ARHGAP6: variants seen among roughly 807,000 people sequenced by gnomAD.
ARHGAP6 encodes Rho GTPase activating protein 6, also known as rho GTPase-activating protein 6.
Under a neutral mutation model 55.7 loss-of-function variants are expected in ARHGAP6, and 16 were observed. That is an observed-to-expected ratio of 0.29 (90% confidence interval 0.19 to 0.44). The LOEUF is 0.44. Among genes scored for constraint, ARHGAP6 ranks in the 20% least tolerant of loss-of-function variants. ARHGAP6 has a pLI of 1.00. For missense variants in ARHGAP6, 698 were observed against 808.9 expected (o/e 0.86, Z 1.66); for synonymous variants, 382 against 360.9 (o/e 1.06, Z -0.66).
intron 1 of ARHGAP6, among the ~76,000 whole-genome samples, chrX:11,424,967 A>T (rs1423396731): frequency 2.7e-5 from 3 of 112,379 alleles, no homozygotes; most frequent in Non-Finnish European, 5.6e-5. Context: ...AAGATGAGTG[A>T]GATGTCCATA....
intron 12 of ARHGAP6, among the ~76,000 whole-genome samples, chrX:11,141,180 C>A (rs755519373): frequency 3.6e-5 from 4 of 110,553 alleles, no homozygotes; most frequent in Non-Finnish European, 3.8e-5. Flanking sequence ...AACAACCAAA[C>A]AAATAATTTA....
At chrX:11,219,454 A>C (rs1331530128) in intron 2 of ARHGAP6, among the ~76,000 whole-genome samples, 1 of 99,187 alleles carries the variant, frequency 1.0e-5, no homozygotes, top group Non-Finnish European at 2.1e-5. Context: ...ATCCCTGAGG[A>C]ATCGCCACAC....
chrX:11,514,581 A>C (rs1453446231), intron 1 of ARHGAP6, among the ~76,000 whole-genome samples: 1 of 110,151 alleles, frequency 9.1e-6, no homozygotes, highest in African/African-American at 3.3e-5. Context: ...GAGAAGACAA[A>C]TTGCCTCCAT....
chrX:11,393,091 T>C (rs1297773984), intron 1 of ARHGAP6, among the ~76,000 whole-genome samples: 1 of 111,842 alleles, frequency 8.9e-6, no homozygotes, highest in Non-Finnish European at 1.9e-5. Flanking sequence ...TATTTTCTTA[T>C]TTAAAGAAAA....
At chrX:11,295,025 C>T in intron 1 of ARHGAP6, among the ~76,000 whole-genome samples, 1 of 111,926 alleles carries the variant, frequency 8.9e-6, no homozygotes, top group Non-Finnish European at 1.9e-5. Flanking sequence ...AATGCCGCTA[C>T]CAAAAATTCT....
chrX:11,192,818 G>A (rs2046477993), intron 3 of ARHGAP6, among the ~76,000 whole-genome samples: 1 of 111,811 alleles, frequency 8.9e-6, no homozygotes, highest in Non-Finnish European at 1.9e-5. Context: ...TTACATCATA[G>A]TAAAACCTAT....
At chrX:11,211,212 G>A (rs1310285701) in intron 2 of ARHGAP6, among the ~76,000 whole-genome samples, 2 of 108,293 alleles carry the variant, frequency 1.8e-5, no homozygotes, top group African/African-American at 6.7e-5. Context: ...GATAAATTAC[G>A]AGAACTGCTG....
intron 2 of ARHGAP6, among the ~76,000 whole-genome samples, chrX:11,230,597 A>T (rs2047114602): frequency 9.4e-6 from 1 of 106,587 alleles, no homozygotes; most frequent in Non-Finnish European, 1.9e-5. Context: ...TTTTGACCTT[A>T]AAAGTTATTA....
intron 1 of ARHGAP6, among the ~76,000 whole-genome samples, chrX:11,415,546 A>C (rs2147770582): frequency 8.9e-6 from 1 of 112,180 alleles, no homozygotes; most frequent in East Asian, 2.8e-4. Flanking sequence ...AAAGTGAATC[A>C]ATTCCCCCAT....
chrX:11,383,851 A>G (rs1603157457), intron 1 of ARHGAP6, among the ~76,000 whole-genome samples: 1 of 111,641 alleles, frequency 9.0e-6, no homozygotes, highest in African/African-American at 3.3e-5. Flanking sequence ...ATAAAAGGAA[A>G]TAGAGTTTGT....
At chrX:11,209,199 C>T (rs1451884300) in intron 2 of ARHGAP6, among the ~76,000 whole-genome samples, 45 of 112,300 alleles carry the variant, frequency 4.0e-4, no homozygotes, top group African/African-American at 1.2e-3. Context: ...TGGAGTGCAG[C>T]GGCGTAATCG....
intron 1 of ARHGAP6, among the ~76,000 whole-genome samples, chrX:11,485,681 T>C (rs5935077): frequency 0.11 from 12,135 of 111,963 alleles, 622 homozygotes; most frequent in East Asian, 0.18. Flanking sequence ...CATTCACACA[T>C]GCACTGCTCA....
chrX:11,218,969 G>A (rs2046921788), intron 2 of ARHGAP6, among the ~76,000 whole-genome samples: 1 of 106,503 alleles, frequency 9.4e-6, no homozygotes, highest in South Asian at 4.4e-4. Flanking sequence ...CATGTGCCAT[G>A]CTGGTGCGCT....
intron 1 of ARHGAP6, among the ~76,000 whole-genome samples, chrX:11,378,502 G>C (rs5935046): frequency 0.063 from 6,992 of 111,518 alleles, 237 homozygotes; most frequent in African/African-American, 0.13. Flanking sequence ...TTCCATTCCC[G>C]AAGACCATCC....
intron 1 of ARHGAP6, among the ~76,000 whole-genome samples, chrX:11,399,354 C>CAA (rs56197001): frequency 0.033 from 1,176 of 35,193 alleles, 28 homozygotes; most frequent in Middle Eastern, 0.065. Flanking sequence ...AATAAGCAAT[C>CAA]AAAAAAAAAA....
intron 1 of ARHGAP6, among the ~76,000 whole-genome samples, chrX:11,508,674 C>T (rs1040008831): frequency 2.7e-5 from 3 of 109,784 alleles, no homozygotes; most frequent in African/African-American, 9.9e-5. Context: ...ATATGCTCAC[C>T]TCTCCAGTCT....
intron 1 of ARHGAP6, among the ~76,000 whole-genome samples, chrX:11,399,880 G>A (rs1476591792): frequency 8.9e-6 from 1 of 112,153 alleles, no homozygotes; most frequent in African/African-American, 3.2e-5. Flanking sequence ...CCCATACAAC[G>A]AAAGATTATT....
chrX:11,433,154 G>A (rs909658194), intron 1 of ARHGAP6, among the ~76,000 whole-genome samples: 7 of 112,202 alleles, frequency 6.2e-5, no homozygotes, highest in African/African-American at 2.3e-4. Flanking sequence ...AGGAGAGATG[G>A]AGAAGAGAGA....
At chrX:11,239,273 T>G (rs1170234834) in intron 2 of ARHGAP6, among the ~76,000 whole-genome samples, 1 of 111,386 alleles carries the variant, frequency 9.0e-6, no homozygotes, top group Non-Finnish European at 1.9e-5. Context: ...AAATAAGTCC[T>G]TTCTCCCAGG....
Sources: allele counts gnomAD v4.1 joint callset (sites outside exome capture counted in the v4.1 genomes callset), GRCh38; gene constraint gnomAD v4.1.1; transcripts MANE v1.5; gene names NCBI Gene and HGNC (gene_info 2026-07-23, HGNC 2026-07-21).